Variants in L3MBTL3 observed in about 807,000 individuals in gnomAD.
The protein encoded by L3MBTL3 is lethal(3)malignant brain tumor-like protein 3.
In L3MBTL3, 27 loss-of-function variants were observed where a neutral mutation model predicts 102.3. The ratio of observed to expected loss-of-function variants is 0.26; its 90% CI spans 0.19 to 0.36. The LOEUF (loss-of-function observed/expected upper bound fraction) is 0.36. L3MBTL3 is among the 10% of genes least tolerant of loss of function. The probability of loss-of-function intolerance (pLI) is 1.00; values close to 1 mark genes in which losing one functional copy is unlikely to be tolerated. For missense variants in L3MBTL3, 798 were observed against 955.3 expected, an observed-to-expected ratio of 0.84 and a Z score of 2.17; for synonymous variants, 340 against 320.9, an observed-to-expected ratio of 1.06 and a Z score of -0.64.
intron 2 of L3MBTL3, among the ~76,000 whole-genome samples, chr6:130,040,156 G>C (rs1780330339): frequency 6.6e-6 from 1 of 151,944 alleles, no homozygotes; most frequent in Non-Finnish European, 1.5e-5. Flanking sequence ...GTGAAACCCT[G>C]TCTCTACTAA....
At chr6:130,070,735 T>C (rs1165153136) in intron 12 of L3MBTL3, 2 of 340,382 alleles carry the variant, frequency 5.9e-6, no homozygotes, top group Non-Finnish European at 1.0e-5. Context: ...AGGTGATGGA[T>C]ATTTTCGTTT....
At position 130,086,179 on chromosome 6, in the gene L3MBTL3, G is replaced by A. The variant is rs985407556; in HGVS notation, c.1447G>A (p.Val483Ile). ...HGFQKKMKLEVVDKRNPMFIR... is the reference protein window; with the variant it reads ...HGFQKKMKLEIVDKRNPMFIR... ...ATTCCAGAAAAAAATGAAGCTTGAG[G>A]TTGTAGACAAAAGGAACCCTATGTT... Residue 483 changes from valine to isoleucine, a missense_variant, in exon 16 of 23, where the codon GTT (valine) becomes ATT (isoleucine). By Grantham distance (29) the Val-to-Ile change is conservative. Coordinates refer to ENST00000361794, the MANE Select transcript of L3MBTL3 (RefSeq NM_032438.4). The A allele has an allele frequency of 6.2e-7, 1 of 1,613,304 alleles. No homozygotes were observed. Among genetic ancestry groups the A allele is most frequent in the Admixed American group, 1.7e-5 (1 of 59,890 alleles).
At chr6:130,080,151 G>A in intron 14 of L3MBTL3, among the ~76,000 whole-genome samples, 1 of 151,946 alleles carries the variant, frequency 6.6e-6, no homozygotes, top group Non-Finnish European at 1.5e-5. Flanking sequence ...CTGTCTGTGA[G>A]ACTGAGGCAG....
At chr6:130,090,226 C>A (rs1783957735) in intron 16 of L3MBTL3, among the ~76,000 whole-genome samples, 2 of 152,026 alleles carry the variant, frequency 1.3e-5, no homozygotes, top group Non-Finnish European at 2.9e-5. Flanking sequence ...TTACTAACTG[C>A]ATTCTATTTC....
At chr6:130,093,342 A>G (rs902098191) in intron 17 of L3MBTL3, among the ~76,000 whole-genome samples, 1 of 152,228 alleles carries the variant, frequency 6.6e-6, no homozygotes, top group Admixed American at 6.5e-5. Context: ...AGGTACGTGG[A>G]GAACTTAACA....
chr6:130,107,857 A>G (rs1424214569), intron 19 of L3MBTL3, among the ~76,000 whole-genome samples: 1 of 152,148 alleles, frequency 6.6e-6, no homozygotes, highest in Non-Finnish European at 1.5e-5. Context: ...GCTTTTTGCC[A>G]TTGTTCTGCA....
At chr6:130,036,704 TGACA>T (rs1562254854) in intron 2 of L3MBTL3, among the ~76,000 whole-genome samples, 1 of 152,350 alleles carries the variant, frequency 6.6e-6, no homozygotes, top group East Asian at 1.9e-4. Context: ...CATGTCTTAC[TGACA>T]TTTTGTTAGT....
At chr6:130,134,731 A>T (rs1787437028) in intron 22 of L3MBTL3, among the ~76,000 whole-genome samples, 1 of 152,206 alleles carries the variant, frequency 6.6e-6, no homozygotes, top group African/African-American at 2.4e-5. Context: ...TCTGCTGTCT[A>T]CAGTTACACG....
chr6:130,088,770 A>T (rs1430498767), intron 16 of L3MBTL3, among the ~76,000 whole-genome samples: 1 of 151,520 alleles, frequency 6.6e-6, no homozygotes, highest in African/African-American at 2.4e-5. Context: ...CCTATATTCT[A>T]CTCTTTCTCA....
chr6:130,043,544 C>T (rs1033887827), intron 3 of L3MBTL3, among the ~76,000 whole-genome samples: 2 of 152,328 alleles, frequency 1.3e-5, no homozygotes, highest in Admixed American at 1.3e-4. Context: ...TGCTCTGATC[C>T]TATCTCTGGA....
chr6:130,059,855 G>A (rs1311150845), intron 9 of L3MBTL3, among the ~76,000 whole-genome samples, 181 bp from the exon 10 acceptor site: 2 of 152,058 alleles, frequency 1.3e-5, no homozygotes, highest in Admixed American at 1.3e-4. Flanking sequence ...TTCCTTTCCT[G>A]GGACCTATTT....
chr6:130,117,576 A>T (rs999238567), intron 19 of L3MBTL3, among the ~76,000 whole-genome samples: 1 of 152,216 alleles, frequency 6.6e-6, no homozygotes, highest in African/African-American at 2.4e-5. Flanking sequence ...AAATTCTAGA[A>T]CAAGGATTTC....
At chr6:130,114,703 C>G (rs910409133) in intron 19 of L3MBTL3, among the ~76,000 whole-genome samples, 2 of 152,040 alleles carry the variant, frequency 1.3e-5, no homozygotes, top group Admixed American at 6.6e-5. Context: ...CCATGTTTAC[C>G]TCTCCTGGGT....
chr6:130,133,417 C>G lies in L3MBTL3; in HGVS notation c.1967-35C>G. The G allele has an allele frequency of 6.2e-7, 1 of 1,606,934 alleles. No individual in the cohort carries two copies. The highest frequency in any genetic ancestry group is 1.1e-5 in the South Asian group (1 of 90,732). Reference sequence around the variant, plus strand: ...GCATTTGGGGCTTTCTTGCTGCTTTCAGAGAGTGATTTCCCATTTGTTTTC... The same window carrying G: ...GCATTTGGGGCTTTCTTGCTGCTTTGAGAGAGTGATTTCCCATTTGTTTTC... On this transcript the variant is annotated intron_variant, in intron 20 of 22. Coordinates refer to ENST00000361794, the MANE Select transcript of L3MBTL3 (RefSeq NM_032438.4). The surrounding 1 kb of genome is among the most constrained non-coding windows in gnomAD (Gnocchi z 4.9).
rs1584359718 is a variant in L3MBTL3, at chr6:130,066,248, A to G, written c.865-105A>G. On this transcript the variant is annotated intron_variant, in intron 10 of 22. Transcript: ENST00000361794. ...TAATGTGGGTGGTTTGATTAACATT[A>G]AGACTATATCATGCCTGGTGTCCAT... The G allele has an allele frequency of 1.4e-5, 5 of 365,264 alleles. No individual in the cohort carries two copies. The East Asian group carries it at 3.0e-4, about 22-fold the overall frequency. 22.6% of individuals were successfully genotyped at this position (365,264 alleles called of 1,614,324 possible).
At position 130,054,232 on chromosome 6, in the gene L3MBTL3, G is replaced by A. The variant is rs570172949; in HGVS notation, c.583-939G>A. Among the ~76,000 whole-genome samples, 5 of 152,314 alleles carry A rather than the reference G, an allele frequency of 3.3e-5. No individual in the cohort carries two copies. The South Asian group carries it at 1.0e-3, about 32-fold the overall frequency. ...GAAATAAAAGGAAGTCTGGTCACTG[G>A]TTTAGGAGAGGGTGGAGTAAGATGA... On this transcript the variant is annotated intron_variant, in intron 7 of 22. Coordinates refer to ENST00000361794, the MANE Select transcript of L3MBTL3 (RefSeq NM_032438.4).
At chr6:130,058,368 A>G (rs1203926819) in intron 9 of L3MBTL3, among the ~76,000 whole-genome samples, 1 of 151,964 alleles carries the variant, frequency 6.6e-6, no homozygotes, top group Non-Finnish European at 1.5e-5. Context: ...GTGTGGTGGC[A>G]CATGCCTGCC....
At chr6:130,119,193 GCTT>G (rs1785949064) in intron 19 of L3MBTL3, among the ~76,000 whole-genome samples, 1 of 151,950 alleles carries the variant, frequency 6.6e-6, no homozygotes, top group Admixed American at 6.6e-5. Context: ...ACTCATCAGA[GCTT>G]CTAGAAAAGC....
At chr6:130,100,704 C>G (rs935235319) in intron 18 of L3MBTL3, among the ~76,000 whole-genome samples, 1 of 151,858 alleles carries the variant, frequency 6.6e-6, no homozygotes, top group Non-Finnish European at 1.5e-5. Flanking sequence ...AGTCTTACCC[C>G]TCTCTTGAGC....
Sources: gnomAD v4.1 joint callset for allele counts (sites outside exome capture counted in the v4.1 genomes callset) on GRCh38, gnomAD v4.1.1 for gene constraint, Gnocchi (gnomAD v3.1) non-coding constraint, MANE v1.5 for transcripts, NCBI Gene and HGNC (gene_info 2026-07-23, HGNC 2026-07-21) for gene names.